PDE7B: variants seen among roughly 807,000 people sequenced by gnomAD.
The protein encoded by PDE7B is 3',5'-cyclic-AMP phosphodiesterase 7B.
A neutral mutation model predicts 56.2 loss-of-function variants in PDE7B; 29 were observed. That is an observed-to-expected ratio of 0.52 (90% CI 0.38 to 0.70). The LOEUF (loss-of-function observed/expected upper bound fraction) is 0.70, where lower values mean the gene tolerates loss of function less well. Among genes scored for constraint, PDE7B ranks in the 30% least tolerant of loss-of-function variants. PDE7B has a pLI of 0.00. For synonymous variants in PDE7B, 197 were observed against 196.9 expected, an observed-to-expected ratio of 1.00 and a Z score of 0.00; for missense variants, 490 against 565.0, an observed-to-expected ratio of 0.87 and a Z score of 1.35.
At chr6:135,943,828 T>C (rs1774547560) in intron 1 of PDE7B, among the ~76,000 whole-genome samples, 1 of 152,244 alleles carries the variant, frequency 6.6e-6, no homozygotes, top group African/African-American at 2.4e-5. Context: ...TGACTCTTTA[T>C]GGTCTCTGAG....
chr6:136,000,957 G>T (rs909411674), intron 2 of PDE7B, among the ~76,000 whole-genome samples: 2 of 152,146 alleles, frequency 1.3e-5, no homozygotes, highest in Admixed American at 6.5e-5. Context: ...CCCCAGTAGG[G>T]GCAGACTGAC....
chr6:136,162,749 G>A (rs1272509540), intron 8 of PDE7B, among the ~76,000 whole-genome samples: 2 of 152,150 alleles, frequency 1.3e-5, no homozygotes, highest in South Asian at 2.1e-4. Context: ...GGGGTCACAG[G>A]CATTGGGTAA....
At chr6:136,090,752 C>T (rs1011562907) in intron 2 of PDE7B, among the ~76,000 whole-genome samples, 1 of 152,114 alleles carries the variant, frequency 6.6e-6, no homozygotes, top group African/African-American at 2.4e-5. Flanking sequence ...GAAGTTTTCA[C>T]CACAGATGCC....
At chr6:135,872,886 G>T (rs1034598108) in intron 1 of PDE7B, among the ~76,000 whole-genome samples, 1 of 152,084 alleles carries the variant, frequency 6.6e-6, no homozygotes, top group African/African-American at 2.4e-5. Flanking sequence ...GAGTGTGTGT[G>T]AATGAGTGAA....
intron 2 of PDE7B, among the ~76,000 whole-genome samples, chr6:135,948,603 C>A (rs1159376411): frequency 3.3e-5 from 5 of 151,806 alleles, no homozygotes; most frequent in South Asian, 2.1e-4. Context: ...ATTTTTCTAG[C>A]CTTCTAATCT....
intron 2 of PDE7B, among the ~76,000 whole-genome samples, chr6:136,096,677 T>TAAGTAATTTTC (rs1777475717): frequency 6.6e-6 from 1 of 152,028 alleles, no homozygotes; most frequent in African/African-American, 2.4e-5. Flanking sequence ...ACTATTATTC[T>TAAGTAATTTTC]TAAGATCAGC....
chr6:136,187,008 G>GT, intron 11 of PDE7B, 28 bp from the exon 12 acceptor site: 2 of 1,208,936 alleles, frequency 1.7e-6, no homozygotes, highest in South Asian at 1.2e-5. Context: ...TTACCAATGT[G>GT]TTTTTTTCTT....
chr6:136,151,470 G>T (rs1044306134), intron 6 of PDE7B, among the ~76,000 whole-genome samples: 2 of 152,070 alleles, frequency 1.3e-5, no homozygotes, highest in South Asian at 4.1e-4. Flanking sequence ...CAACTTGGGG[G>T]TTAGGGGTGC....
chr6:135,855,570 T>C (rs1285379404), intron 1 of PDE7B, among the ~76,000 whole-genome samples: 1 of 152,214 alleles, frequency 6.6e-6, no homozygotes, highest in African/African-American at 2.4e-5. Context: ...TTGGAAATCA[T>C]GTATTTGCAA....
intron 1 of PDE7B, among the ~76,000 whole-genome samples, chr6:135,869,667 C>T (rs1235168467): frequency 6.6e-6 from 1 of 152,062 alleles, no homozygotes; most frequent in Non-Finnish European, 1.5e-5. Context: ...GAAAGTAAGA[C>T]AAAGTAATGA....
intron 2 of PDE7B, among the ~76,000 whole-genome samples, chr6:135,973,085 T>TA (rs1775121252): frequency 5.3e-5 from 8 of 152,308 alleles, no homozygotes; most frequent in African/African-American, 1.4e-4. Context: ...AGCTCATTCA[T>TA]CTTGCATAAC....
chr6:136,015,383 T>A (rs1775962011), intron 2 of PDE7B, among the ~76,000 whole-genome samples: 1 of 152,228 alleles, frequency 6.6e-6, no homozygotes, highest in East Asian at 1.9e-4. Context: ...GGAGCCATTT[T>A]CTGATTCAAG....
rs1283652988 is a variant in PDE7B, at chr6:135,857,024, T to TCCTCCTTCCCTC, written c.21+5010_21+5011insTTCCCTCCCTCC. ...TTTCCTTCTGCCCTCTTACTCCTTTTCCTCCCTCCCTCCCTCCCTCCCTCC... is the reference window on the plus strand; with the variant it reads ...TTTCCTTCTGCCCTCTTACTCCTTTTCCTCCTTCCCTCCCTCCCTCCCTCCCTCCCTCCCTCC... On this transcript the variant is annotated intron_variant, in intron 1 of 12. Coordinates refer to ENST00000308191, the MANE Select transcript of PDE7B (RefSeq NM_018945.4). Among the ~76,000 whole-genome samples, 198 of 127,588 alleles carry TCCTCCTTCCCTC rather than the reference T, an allele frequency of 1.6e-3. 3 individuals carry two copies. The highest frequency in any genetic ancestry group is 6.3e-3 in the African/African-American group (185 of 29,514). The allele number at this position is 127,588 out of a possible 152,430, so 83.7% of individuals were successfully genotyped here.
At chr6:136,111,161 G>A (rs1777740654) in intron 3 of PDE7B, 1 of 151,850 alleles carries the variant, frequency 6.6e-6, no homozygotes, top group East Asian at 1.9e-4. Context: ...TTTATAGGTG[G>A]TCTCCAGTTT....
rs1775317443 is a variant in PDE7B, at chr6:135,868,903, T to C, written c.21+16884T>C. 8.5e-5 allele frequency among the ~76,000 whole-genome samples: 13 copies of C among 152,348 alleles called. No homozygotes were observed. The South Asian group carries it at 2.7e-3, about 32-fold the overall frequency. ...CACTGGCTCAATTGTTTTTTGACTA[T>C]GACAGTCTCAGATAAATCATCACAT... On this transcript the variant is annotated intron_variant, in intron 1 of 12. Transcript: ENST00000308191.
chr6:136,184,090 T>G lies in PDE7B; in HGVS notation c.1045+2767T>G, dbSNP rs1013650232. Among the ~76,000 whole-genome samples the G allele has an allele frequency of 6.6e-5, 10 of 152,226 alleles. No homozygotes were observed. In the East Asian group the frequency reaches 1.9e-3, roughly 29 times the overall value. On this transcript the variant is annotated intron_variant, in intron 11 of 12. Transcript: ENST00000308191. ...ATCTGCTTCCAGCCTTGTCTAATCCTCAACAAAACTGATTATCCTATGTGC... is the reference window on the plus strand; with the variant it reads ...ATCTGCTTCCAGCCTTGTCTAATCCGCAACAAAACTGATTATCCTATGTGC...
intron 1 of PDE7B, among the ~76,000 whole-genome samples, chr6:135,937,948 G>C (rs368364172): frequency 6.6e-6 from 1 of 152,188 alleles, no homozygotes; most frequent in African/African-American, 2.4e-5. Flanking sequence ...CGCAAAACCA[G>C]ATACACAGCA....
chr6:136,020,391 A>G (rs1232473837), intron 2 of PDE7B, among the ~76,000 whole-genome samples: 2 of 152,240 alleles, frequency 1.3e-5, no homozygotes, highest in African/African-American at 4.8e-5. Context: ...ATATGTGTGT[A>G]TCTGCATATA....
intron 2 of PDE7B, among the ~76,000 whole-genome samples, chr6:136,056,512 C>CT (rs542232291): frequency 0.01 from 562 of 53,926 alleles, 174 homozygotes; most frequent in Middle Eastern, 0.029. Flanking sequence ...AGATAGAATC[C>CT]TTTTTTTTTT....
Sources: gnomAD v4.1 joint callset for allele counts (sites outside exome capture counted in the v4.1 genomes callset) on GRCh38, gnomAD v4.1.1 for gene constraint, MANE v1.5 for transcripts, NCBI Gene and HGNC (gene_info 2026-07-23, HGNC 2026-07-21) for gene names.